Variants in NNT observed in about 807,000 individuals in gnomAD.
NNT encodes the protein NAD(P) transhydrogenase, mitochondrial.
A neutral mutation model predicts 104.8 loss-of-function variants in NNT; 50 were observed. The observed-to-expected ratio is 0.48, with a 90% CI of 0.38 to 0.60. The LOEUF (loss-of-function observed/expected upper bound fraction) is 0.60, where lower values mean the gene tolerates loss of function less well. Ranked by LOEUF, NNT falls within the 20% of genes least tolerant of loss-of-function variation. NNT has a pLI of 0.00. For missense variants in NNT, 1,131 were observed against 1,330.7 expected (o/e 0.85, Z 2.33); for synonymous variants, 461 against 490.4 (o/e 0.94, Z 0.79).
At chr5:43,665,305 G>C (rs1236594905) in intron 17 of NNT, among the ~76,000 whole-genome samples, 2 of 151,534 alleles carry the variant, frequency 1.3e-5, no homozygotes, top group Middle Eastern at 3.4e-3. Context: ...AGGGTCATAG[G>C]ACAATAGTGG....
intron 21 of NNT, 52 bp downstream of exon 21, chr5:43,702,788 A>G (rs757341798): frequency 2.4e-6 from 3 of 1,261,586 alleles, no homozygotes; most frequent in Admixed American, 1.9e-5. Flanking sequence ...CACTTCAAAT[A>G]TACACACAGA....
Position 43,624,093 on chromosome 5 carries a change from G to A in NNT, c.749G>A (p.Gly250Asp), listed in dbSNP as rs1219943504. 6.2e-7 allele frequency: 1 copy of A among 1,614,050 alleles called. No homozygotes were observed. Among genetic ancestry groups the A allele is most frequent in the Non-Finnish European group, 8.5e-7 (1 of 1,180,030 alleles). Reference sequence around the variant, plus strand: ...TCTGCAGGCGCAGCAAAGTCGATGGGTGCAATTGTTCGAGGATTTGACACA... The same window carrying A: ...TCTGCAGGCGCAGCAAAGTCGATGGATGCAATTGTTCGAGGATTTGACACA... ...LASAGAAKSM[G>D]AIVRGFDTRA... Residue 250 changes from glycine (G) to aspartate (D), a missense_variant, in exon 6 of 22, where the codon GGT (glycine) becomes GAT (aspartate). Coordinates refer to ENST00000344920, the MANE Select transcript of NNT (RefSeq NM_182977.3).
chr5:43,609,171 C>T lies in NNT; in HGVS notation c.-25C>T, dbSNP rs201640261. 2.6e-4 allele frequency: 416 copies of T among 1,588,122 alleles called. No homozygotes were observed. Among genetic ancestry groups the T allele is most frequent in the Non-Finnish European group, 3.3e-4 (389 of 1,165,290 alleles). On this transcript the variant is annotated 5_prime_UTR_variant, in exon 2 of 22. Transcript: ENST00000344920. The stretch of plus-strand genomic sequence containing the variant: ...TTTGCCTTCAAGGAAACTGGGGAGT[C>T]AGAAAATTGGGAACTCATATCAACA...
intron 19 of NNT, among the ~76,000 whole-genome samples, chr5:43,685,682 A>G (rs1484095240): frequency 6.6e-6 from 1 of 152,180 alleles, no homozygotes; most frequent in Non-Finnish European, 1.5e-5. Flanking sequence ...GGATATTTCC[A>G]TAATACAAGA....
In NNT at chr5:43,656,722, G is replaced by T; in HGVS notation, c.2363G>T (p.Ser788Ile). The T allele has an allele frequency of 6.2e-7, 1 of 1,614,182 alleles. No individual in the cohort carries two copies. Among genetic ancestry groups the T allele is most frequent in the South Asian group, 1.1e-5 (1 of 91,086 alleles). The part of the protein sequence containing the change: ...HLLNAGLLAA[S>I]VGGIIPFMVD... ...CTCAATGCAGGCTTACTGGCTGCTA[G>T]TGTGGGCGGGATAATCCCATTCATG... The change falls in exon 16 of 22, where the codon AGT becomes ATT. Residue 788 changes from serine (S) to isoleucine (I), a missense_variant. Coordinates refer to ENST00000344920, the MANE Select transcript of NNT (RefSeq NM_182977.3).
chr5:43,626,054 A>G (rs1480393923), intron 6 of NNT, among the ~76,000 whole-genome samples: 1 of 152,046 alleles, frequency 6.6e-6, no homozygotes, highest in Non-Finnish European at 1.5e-5. Flanking sequence ...ATTTTTTGCT[A>G]TATTTAAACA....
chr5:43,687,320 A>T (rs558966088), intron 19 of NNT, among the ~76,000 whole-genome samples: 1 of 152,306 alleles, frequency 6.6e-6, no homozygotes, highest in Non-Finnish European at 1.5e-5. Context: ...ATAATAAAAG[A>T]TAATGTTCAT....
intron 21 of NNT, 50 bp downstream of exon 21, chr5:43,702,786 A>G (rs751789897): frequency 1.6e-6 from 2 of 1,277,666 alleles, no homozygotes; most frequent in Non-Finnish European, 2.2e-6. Flanking sequence ...GTCACTTCAA[A>G]TATACACACA....
intron 17 of NNT, among the ~76,000 whole-genome samples, chr5:43,674,780 A>G (rs952417633): frequency 1.3e-5 from 2 of 152,204 alleles, no homozygotes; most frequent in South Asian, 2.1e-4. Flanking sequence ...TGGCATTCCT[A>G]TGGTACATTC....
intron 1 of NNT, among the ~76,000 whole-genome samples, chr5:43,608,128 A>C (rs1242714778): frequency 6.6e-6 from 1 of 152,042 alleles, no homozygotes; most frequent in Non-Finnish European, 1.5e-5. Flanking sequence ...ACGGGGTTTC[A>C]CCATGTTGGT....
chr5:43,695,358 C>A (rs539161716), intron 19 of NNT, among the ~76,000 whole-genome samples: 17 of 152,272 alleles, frequency 1.1e-4, no homozygotes, highest in African/African-American at 4.1e-4. Flanking sequence ...TGAAAAATAA[C>A]AAGGCATCTT....
intron 10 of NNT, chr5:43,648,060 C>A: frequency 8.0e-7 from 1 of 1,242,706 alleles, no homozygotes; most frequent in Non-Finnish European, 1.0e-6. Context: ...AAAACATATT[C>A]TTATTCACAA....
At chr5:43,667,815 C>T (rs1471374769) in intron 17 of NNT, among the ~76,000 whole-genome samples, 1 of 152,168 alleles carries the variant, frequency 6.6e-6, no homozygotes, top group Non-Finnish European at 1.5e-5. Flanking sequence ...AATGGTATTT[C>T]TAGTTCTAGA....
chr5:43,626,354 G>A (rs1337087356), intron 6 of NNT, among the ~76,000 whole-genome samples: 1 of 152,016 alleles, frequency 6.6e-6, no homozygotes, highest in African/African-American at 2.4e-5. Context: ...CTTTTATAAG[G>A]GGCTTGATCA....
chr5:43,651,962 A>C, intron 13 of NNT, 78 bp downstream of exon 13: 3 of 1,450,218 alleles, frequency 2.1e-6, no homozygotes, highest in Non-Finnish European at 2.9e-6. Context: ...TAGTTATCCT[A>C]ATTCAAAGTA....
chr5:43,661,358 TACTTAA>T lies in NNT; in HGVS notation c.2634+2013_2634+2018del, dbSNP rs1740346502. Among the ~76,000 whole-genome samples the T allele has an allele frequency of 2.6e-5, 4 of 152,278 alleles. No homozygotes were observed. The South Asian group carries it at 8.3e-4, about 32-fold the overall frequency. ...GCAGGGGGCAGCAGATTTTCATTAT[TACTTAA>T]ACTTGCGGTTTGTCAGAAAGTGGCT... On this transcript the variant is annotated intron_variant, in intron 17 of 21. Transcript: ENST00000344920.
intron 17 of NNT, among the ~76,000 whole-genome samples, chr5:43,665,544 G>A (rs1395708715): frequency 6.6e-6 from 1 of 152,162 alleles, no homozygotes; most frequent in African/African-American, 2.4e-5. Context: ...AAAGCACCGG[G>A]TTGGGGGCAA....
At chr5:43,628,549 C>T (rs1750494937) in intron 7 of NNT, among the ~76,000 whole-genome samples, 162 bp downstream of exon 7, 2 of 151,894 alleles carry the variant, frequency 1.3e-5, no homozygotes, top group South Asian at 4.2e-4. Context: ...TGACAAAATT[C>T]ATAGTCATTA....
chr5:43,685,333 A>G (rs1741927056), intron 19 of NNT, among the ~76,000 whole-genome samples: 1 of 152,216 alleles, frequency 6.6e-6, no homozygotes, highest in Non-Finnish European at 1.5e-5. Context: ...CCAAAATGCT[A>G]TCAGTGTACA....
Sources: allele counts gnomAD v4.1 joint callset (sites outside exome capture counted in the v4.1 genomes callset), GRCh38; gene constraint gnomAD v4.1.1; transcripts MANE v1.5; gene names NCBI Gene and HGNC (gene_info 2026-07-23, HGNC 2026-07-21).